TTLL11: variants seen among roughly 807,000 people sequenced by gnomAD.
The protein encoded by TTLL11 is tubulin polyglutamylase TTLL11.
TTLL11 carries 42 observed loss-of-function variants against 51.7 expected under a neutral mutation model. The observed-to-expected ratio is 0.81, with a 90% CI of 0.64 to 1.05. TTLL11 has a LOEUF of 1.05. Ranked by LOEUF, TTLL11 falls within the 50% of genes least tolerant of loss-of-function variation. The pLI, the probability that TTLL11 is intolerant of heterozygous loss-of-function variation, is 0.00. For synonymous variants in TTLL11, 381 were observed against 383.5 expected (o/e 0.99, Z 0.08); for missense variants, 799 against 940.4 (o/e 0.85, Z 1.97).
chr9:121,965,372 G>T (rs1250078566), intron 6 of TTLL11, among the ~76,000 whole-genome samples: 1 of 152,204 alleles, frequency 6.6e-6, no homozygotes, highest in East Asian at 1.9e-4. Flanking sequence ...GGGAAGCAAG[G>T]ACCTTCTTCA....
intron 8 of TTLL11, among the ~76,000 whole-genome samples, chr9:121,851,668 C>G (rs546903726): frequency 6.6e-6 from 1 of 152,330 alleles, no homozygotes; most frequent in Non-Finnish European, 1.5e-5. Flanking sequence ...GAGGTGGCCC[C>G]TAACCCGTCC....
chr9:121,849,314 A>G (rs2131366178), intron 8 of TTLL11, among the ~76,000 whole-genome samples: 1 of 152,358 alleles, frequency 6.6e-6, no homozygotes, highest in Middle Eastern at 3.4e-3. Context: ...AGATGATAAT[A>G]TGGGAGAAAA....
At chr9:121,917,638 A>C in intron 6 of TTLL11, among the ~76,000 whole-genome samples, 1 of 135,528 alleles carries the variant, frequency 7.4e-6, no homozygotes, top group African/African-American at 2.7e-5. Context: ...AAGGGAGGGA[A>C]GGGAGGGAAG....
intron 6 of TTLL11, among the ~76,000 whole-genome samples, chr9:121,965,610 T>C (rs4837929): frequency 0.9 from 137,709 of 152,222 alleles, 62,816 homozygotes; most frequent in Non-Finnish European, 0.97. Context: ...GAATTTCAAC[T>C]GGAGGTCAGC....
chr9:121,878,843 A>C (rs1288871465), intron 6 of TTLL11, among the ~76,000 whole-genome samples: 4 of 152,162 alleles, frequency 2.6e-5, no homozygotes, highest in Non-Finnish European at 4.4e-5. Context: ...AGAGGCAATG[A>C]AACATTTTGT....
intron 2 of TTLL11, among the ~76,000 whole-genome samples, chr9:122,032,303 T>A (rs145071058): frequency 3.2e-4 from 48 of 152,276 alleles, no homozygotes; most frequent in African/African-American, 1.2e-3. Flanking sequence ...AGAGGCTTAA[T>A]TAAGTTTACT....
chr9:122,031,261 G>A (rs1171949860), intron 3 of TTLL11, among the ~76,000 whole-genome samples: 2 of 152,220 alleles, frequency 1.3e-5, no homozygotes, highest in African/African-American at 4.8e-5. Flanking sequence ...TCTGGAACAA[G>A]TTTAAAGCAA....
At chr9:121,856,137 T>C (rs1225467192) in intron 8 of TTLL11, among the ~76,000 whole-genome samples, 15 of 152,208 alleles carry the variant, frequency 9.9e-5, no homozygotes, top group Non-Finnish European at 1.6e-4. Context: ...AGTGGCACAA[T>C]TGCAGCTCAC....
At chr9:121,998,787 G>A (rs1353432115) in intron 3 of TTLL11, among the ~76,000 whole-genome samples, 2 of 152,002 alleles carry the variant, frequency 1.3e-5, no homozygotes, top group Admixed American at 6.6e-5. Context: ...TACAAGACAG[G>A]CAATAGCATT....
chr9:121,892,773 C>T (rs1458180260), intron 6 of TTLL11, among the ~76,000 whole-genome samples: 1 of 152,224 alleles, frequency 6.6e-6, no homozygotes, highest in East Asian at 1.9e-4. Flanking sequence ...AATACCTCTG[C>T]CTGCCCAGAA....
At chr9:121,884,186 AGT>A (rs896640111) in intron 6 of TTLL11, among the ~76,000 whole-genome samples, 47 of 152,292 alleles carry the variant, frequency 3.1e-4, no homozygotes, top group African/African-American at 1.1e-3. Flanking sequence ...CCTAAGGAGC[AGT>A]GTGTTTATGG....
intron 3 of TTLL11, among the ~76,000 whole-genome samples, chr9:121,990,979 A>G (rs965603427): frequency 3.4e-4 from 52 of 152,254 alleles, no homozygotes; most frequent in Non-Finnish European, 6.6e-4. Context: ...AAATGGCAGG[A>G]GAGGAGGTTT....
chr9:122,015,010 C>T (rs980625467), intron 3 of TTLL11, among the ~76,000 whole-genome samples: 8 of 152,072 alleles, frequency 5.3e-5, no homozygotes, highest in East Asian at 1.9e-4. Flanking sequence ...GTTGTATAAC[C>T]GGGAGCAAGT....
intron 1 of TTLL11, among the ~76,000 whole-genome samples, chr9:122,087,979 G>A (rs1164243646): frequency 2.6e-5 from 4 of 152,134 alleles, no homozygotes; most frequent in African/African-American, 9.7e-5. Flanking sequence ...TTAACATTGT[G>A]GACGCAGTTA....
chr9:122,063,572 G>T (rs897456397), intron 1 of TTLL11, among the ~76,000 whole-genome samples: 1 of 152,160 alleles, frequency 6.6e-6, no homozygotes, highest in Non-Finnish European at 1.5e-5. Flanking sequence ...CCTGTATTTC[G>T]TTTAGTGGCT....
chr9:121,829,106 C>A (rs959320548), intron 8 of TTLL11, among the ~76,000 whole-genome samples: 1 of 152,026 alleles, frequency 6.6e-6, no homozygotes, highest in African/African-American at 2.4e-5. Context: ...GTGCCCATCA[C>A]CATGCCCAGC....
chr9:121,899,402 T>C (rs372876547), intron 6 of TTLL11, among the ~76,000 whole-genome samples: 9,714 of 82,630 alleles, frequency 0.12, 473 homozygotes, highest in Non-Finnish European at 0.17. Context: ...TATATATATA[T>C]ACACACACAC....
At chr9:122,034,871 T>C (rs1304740153) in intron 2 of TTLL11, among the ~76,000 whole-genome samples, 5 of 152,186 alleles carry the variant, frequency 3.3e-5, no homozygotes, top group Non-Finnish European at 5.9e-5. Flanking sequence ...TGACCCCTCG[T>C]CACCTGTGTC....
At chr9:122,064,886 C>T (rs1845536999) in intron 1 of TTLL11, among the ~76,000 whole-genome samples, 1 of 152,118 alleles carries the variant, frequency 6.6e-6, no homozygotes, top group Admixed American at 6.5e-5. Context: ...CCAAGATTAA[C>T]CCAATTTATA....
Sources: gnomAD v4.1 joint callset for allele counts (sites outside exome capture counted in the v4.1 genomes callset) on GRCh38, gnomAD v4.1.1 for gene constraint, MANE v1.5 for transcripts, NCBI Gene and HGNC (gene_info 2026-07-23, HGNC 2026-07-21) for gene names.